The following IL1RAPL1 variants were observed in gnomAD, a reference collection of about 807,000 sequenced individuals.
IL1RAPL1 encodes the protein interleukin 1 receptor accessory protein like 1.
In IL1RAPL1, 3 loss-of-function variants were observed where a neutral mutation model predicts 48.4. The ratio of observed to expected loss-of-function variants is 0.06; its 90% CI spans 0.03 to 0.16. The LOEUF (loss-of-function observed/expected upper bound fraction) is 0.16. Among genes scored for constraint, IL1RAPL1 ranks in the 10% least tolerant of loss-of-function variants. The pLI, the probability that IL1RAPL1 is intolerant of heterozygous loss-of-function variation, is 1.00. For missense variants in IL1RAPL1, 349 were observed against 530.6 expected, an observed-to-expected ratio of 0.66 and a Z score of 3.36; for synonymous variants, 185 against 187.7, an observed-to-expected ratio of 0.99 and a Z score of 0.12.
intron 8 of IL1RAPL1, among the ~76,000 whole-genome samples, chrX:29,933,773 T>C (rs908862072): frequency 5.4e-5 from 6 of 110,391 alleles, no homozygotes; most frequent in African/African-American, 2.0e-4. Flanking sequence ...TGAAATATTA[T>C]GTTATATAGT....
chrX:28,604,343 C>G (rs1251656192), intron 1 of IL1RAPL1, among the ~76,000 whole-genome samples: 1 of 111,548 alleles, frequency 9.0e-6, no homozygotes, highest in Non-Finnish European at 1.9e-5. Context: ...GCTGTGTAAC[C>G]TTGGATAGGT....
intron 6 of IL1RAPL1, among the ~76,000 whole-genome samples, chrX:29,825,457 T>C (rs368161525): frequency 1.8e-5 from 2 of 111,798 alleles, no homozygotes; most frequent in East Asian, 5.6e-4. Flanking sequence ...CTAGTTTCCT[T>C]TCTCTAGATT....
chrX:28,802,077 C>G (rs1467039136), intron 2 of IL1RAPL1, among the ~76,000 whole-genome samples: 1 of 111,612 alleles, frequency 9.0e-6, no homozygotes, highest in Non-Finnish European at 1.9e-5. Context: ...TTGTGCTATA[C>G]AGTTTGAGTC....
intron 5 of IL1RAPL1, among the ~76,000 whole-genome samples, chrX:29,662,958 A>C (rs1054648493): frequency 2.7e-5 from 3 of 112,079 alleles, no homozygotes; most frequent in African/African-American, 9.7e-5. Context: ...TAAGTGAAAA[A>C]TAGAGCACCC....
chrX:29,587,455 G>T (rs1491000980), intron 5 of IL1RAPL1, among the ~76,000 whole-genome samples: 1 of 110,571 alleles, frequency 9.0e-6, no homozygotes, highest in Non-Finnish European at 1.9e-5. Context: ...AAGTTTAAAC[G>T]ATGTATTGTA....
intron 3 of IL1RAPL1, among the ~76,000 whole-genome samples, chrX:29,393,541 C>T (rs1238897532): frequency 1.8e-5 from 2 of 111,623 alleles, no homozygotes; most frequent in African/African-American, 3.3e-5. Flanking sequence ...CTCTCTCTCT[C>T]TCTGTATATG....
chrX:29,669,047 A>G (rs150089382), intron 6 of IL1RAPL1, among the ~76,000 whole-genome samples: 3,010 of 111,674 alleles, frequency 0.027, 103 homozygotes, highest in African/African-American at 0.093. Context: ...ACATAAGGCT[A>G]TAGACAAAAT....
At chrX:29,929,937 A>G (rs896582875) in intron 8 of IL1RAPL1, among the ~76,000 whole-genome samples, 2 of 111,890 alleles carry the variant, frequency 1.8e-5, no homozygotes, top group Non-Finnish European at 3.8e-5. Context: ...ACTTAAAGAA[A>G]TACATTAAAG....
At chrX:28,741,131 G>A (rs184828278) in intron 1 of IL1RAPL1, among the ~76,000 whole-genome samples, 2 of 111,730 alleles carry the variant, frequency 1.8e-5, no homozygotes, top group African/African-American at 6.5e-5. Flanking sequence ...TTTCCACAGT[G>A]GCTGAACTTA....
At chrX:29,055,731 A>T (rs1310427008) in intron 2 of IL1RAPL1, among the ~76,000 whole-genome samples, 1 of 111,803 alleles carries the variant, frequency 8.9e-6, no homozygotes, top group East Asian at 2.8e-4. Flanking sequence ...AATTAGAAAA[A>T]TAAATAAACT....
intron 3 of IL1RAPL1, among the ~76,000 whole-genome samples, chrX:29,356,294 C>T (rs192004404): frequency 4.3e-4 from 34 of 79,693 alleles, no homozygotes; most frequent in Non-Finnish European, 5.0e-4. Context: ...CCTTTATTCT[C>T]CTACAGTGAG....
intron 5 of IL1RAPL1, among the ~76,000 whole-genome samples, chrX:29,523,143 T>C (rs1935519249): frequency 8.9e-6 from 1 of 112,003 alleles, no homozygotes; most frequent in Non-Finnish European, 1.9e-5. Flanking sequence ...GGCATCATAA[T>C]TTAAGCTTTA....
rs150417436 is a variant in IL1RAPL1 at position 28,665,118 on chromosome X, A to C, written c.-25+77071A>C. ...GGTAAAGCACAGGTATCATTTTCTC[A>C]CTGCACAAGTGTATACTACAAATGC... On this transcript the variant is annotated intron_variant, in intron 1 of 10. Coordinates refer to ENST00000378993, the MANE Select transcript of IL1RAPL1 (RefSeq NM_014271.4). Among the ~76,000 whole-genome samples the C allele has an allele frequency of 3.0e-4, 34 of 111,611 alleles. No homozygotes were observed. The East Asian group carries it at 8.8e-3, about 29-fold the overall frequency.
chrX:28,691,611 C>G (rs1935179240), intron 1 of IL1RAPL1, among the ~76,000 whole-genome samples: 1 of 111,934 alleles, frequency 8.9e-6, no homozygotes, highest in African/African-American at 3.2e-5. Context: ...TGGGACATAA[C>G]TAGCTCTTAA....
At chrX:29,664,046 T>A (rs995913175) in intron 5 of IL1RAPL1, among the ~76,000 whole-genome samples, 1 of 112,136 alleles carries the variant, frequency 8.9e-6, no homozygotes, top group African/African-American at 3.2e-5. Flanking sequence ...AATCAGGAAC[T>A]GTTAGACCTG....
chrX:28,921,549 G>A (rs1481929387), intron 2 of IL1RAPL1, among the ~76,000 whole-genome samples: 5 of 110,932 alleles, frequency 4.5e-5, no homozygotes, highest in Non-Finnish European at 9.4e-5. Context: ...TATCAGTAAA[G>A]ACCACCTTGC....
chrX:29,343,586 T>G (rs768142589), intron 3 of IL1RAPL1, among the ~76,000 whole-genome samples: 19 of 112,005 alleles, frequency 1.7e-4, no homozygotes, highest in South Asian at 7.4e-4. Flanking sequence ...TTGATTTTAT[T>G]AAGTGTCTTA....
intron 2 of IL1RAPL1, among the ~76,000 whole-genome samples, chrX:28,791,835 T>C (rs1352724069): frequency 1.8e-5 from 2 of 111,857 alleles, no homozygotes; most frequent in Non-Finnish European, 3.8e-5. Context: ...TGGACTGATT[T>C]CAGCTGATGT....
At chrX:29,536,861 T>A (rs1921249549) in intron 5 of IL1RAPL1, among the ~76,000 whole-genome samples, 1 of 109,905 alleles carries the variant, frequency 9.1e-6, no homozygotes, top group African/African-American at 3.3e-5. Context: ...TTGATAAAAT[T>A]GTATTATATA....
Sources: gnomAD v4.1 joint callset for allele counts (sites outside exome capture counted in the v4.1 genomes callset) on GRCh38, gnomAD v4.1.1 for gene constraint, MANE v1.5 for transcripts, NCBI Gene and HGNC (gene_info 2026-07-23, HGNC 2026-07-21) for gene names.